Variants in TMEM132E observed in about 807,000 individuals in gnomAD.
The protein encoded by TMEM132E is transmembrane protein 132E.
Under a neutral mutation model 78.5 loss-of-function variants are expected in TMEM132E, and 49 were observed. The ratio of observed to expected loss-of-function variants is 0.62; its 90% CI spans 0.50 to 0.79. The LOEUF (loss-of-function observed/expected upper bound fraction) is 0.79. TMEM132E is among the 30% of genes least tolerant of loss of function. The probability of loss-of-function intolerance (pLI) is 0.00; values close to 1 mark genes in which losing one functional copy is unlikely to be tolerated. For missense variants in TMEM132E, 1,403 were observed against 1,470.9 expected, an observed-to-expected ratio of 0.95 and a Z score of 0.75; for synonymous variants, 715 against 670.6, an observed-to-expected ratio of 1.07 and a Z score of -1.02.
intron 2 of TMEM132E, among the ~76,000 whole-genome samples, chr17:34,627,467 C>CGTGTGCGCGTGTGTGTGTGTGTGTGT (rs146318983): frequency 7.9e-6 from 1 of 126,470 alleles, no homozygotes; most frequent in African/African-American, 3.0e-5. Context: ...CCAAAAGAAT[C>CGTGTGCGCGTGTGTGTGTGTGTGTGT]GTGTGTGTGT....
rs1907260981 is a variant in TMEM132E, at chr17:34,629,155, A to T, written c.1289A>T (p.Glu430Val). The T allele has an allele frequency of 1.9e-6, 3 of 1,614,060 alleles. No individual in the cohort carries two copies. The highest frequency in any genetic ancestry group is 8.5e-7 in the Non-Finnish European group (1 of 1,179,986). The change falls in exon 4 of 9, where the codon GAG becomes GTG. Residue 430 changes from glutamate (E) to valine (V), a missense_variant. Glu to Val is a moderately radical substitution (Grantham distance 121). Around this residue, in one of 3 missense-constraint regions of TMEM132E, gnomAD observed 888 missense variants for 952.8 expected, o/e 0.93. Transcript: ENST00000631683. ...ALPDLERAVTELTVIQRDVQA... is the reference protein window; with the variant it reads ...ALPDLERAVTVLTVIQRDVQA... The stretch of plus-strand genomic sequence containing the variant: ...CCTGACCTGGAGCGGGCAGTCACTG[A>T]GCTGACGGTCATTCAGCGGGATGTG...
chr17:34,594,675 G>A (rs957678154), intron 1 of TMEM132E, among the ~76,000 whole-genome samples: 23 of 152,034 alleles, frequency 1.5e-4, no homozygotes, highest in Admixed American at 9.8e-4. Flanking sequence ...CTGCAGCCTC[G>A]AACTCTTGGG....
At chr17:34,595,693 A>C (rs371979014) in intron 1 of TMEM132E, among the ~76,000 whole-genome samples, 139 of 152,314 alleles carry the variant, frequency 9.1e-4, no homozygotes, top group African/African-American at 3.1e-3. Flanking sequence ...AGCCAGGGTT[A>C]AGACCCGTGT....
chr17:34,581,365 T>G (rs1905476053), intron 1 of TMEM132E, among the ~76,000 whole-genome samples: 7 of 136,764 alleles, frequency 5.1e-5, no homozygotes, highest in Admixed American at 2.1e-4. Flanking sequence ...GGGGGGAGGG[T>G]GTCGCTCCAG....
intron 8 of TMEM132E, among the ~76,000 whole-genome samples, chr17:34,636,691 T>G (rs1207353970): frequency 6.6e-6 from 1 of 152,132 alleles, no homozygotes; most frequent in Non-Finnish European, 1.5e-5. Context: ...GGCAATCACT[T>G]CTCTCTGAAC....
intron 1 of TMEM132E, among the ~76,000 whole-genome samples, chr17:34,624,405 G>A (rs1336602719): frequency 2.0e-5 from 3 of 152,162 alleles, no homozygotes; most frequent in Admixed American, 2.0e-4. Flanking sequence ...AGGCCAGGTA[G>A]GTAACTAACT....
chr17:34,601,991 G>A (rs1346525860), intron 1 of TMEM132E, among the ~76,000 whole-genome samples: 1 of 152,216 alleles, frequency 6.6e-6, no homozygotes, highest in African/African-American at 2.4e-5. Context: ...ACAGTCTAGT[G>A]CTCCTCTCCA....
At chr17:34,628,811 G>A in intron 3 of TMEM132E, 102 bp downstream of exon 3, 1 of 1,435,916 alleles carries the variant, frequency 7.0e-7, no homozygotes. Context: ...GAGGGCTGGG[G>A]CTCGGTCATT....
At chr17:34,633,026 G>A in intron 6 of TMEM132E, 117 bp downstream of exon 6, 1 of 1,156,204 alleles carries the variant, frequency 8.6e-7, no homozygotes, top group Non-Finnish European at 1.2e-6. Context: ...CTGTAGGTTG[G>A]TTGTGCAGTC....
chr17:34,618,768 C>T (rs1192294044), intron 1 of TMEM132E, among the ~76,000 whole-genome samples: 5 of 152,166 alleles, frequency 3.3e-5, no homozygotes, highest in African/African-American at 7.2e-5. Flanking sequence ...TCTCAAGACC[C>T]AGGTTTTTCC....
chr17:34,602,787 T>C (rs973634884), intron 1 of TMEM132E, among the ~76,000 whole-genome samples: 1 of 152,132 alleles, frequency 6.6e-6, no homozygotes, highest in Non-Finnish European at 1.5e-5. Context: ...AAGGAGAGAA[T>C]TAGCTGAGTT....
chr17:34,606,348 A>G (rs1906413292), intron 1 of TMEM132E, among the ~76,000 whole-genome samples: 1 of 152,238 alleles, frequency 6.6e-6, no homozygotes, highest in African/African-American at 2.4e-5. Context: ...ACTCCATCTC[A>G]AAAAATAAAT....
At chr17:34,590,764 G>A (rs1203314702) in intron 1 of TMEM132E, among the ~76,000 whole-genome samples, 1 of 152,190 alleles carries the variant, frequency 6.6e-6, no homozygotes, top group East Asian at 1.9e-4. Context: ...TTGGCCCAAT[G>A]TTCCATGAAG....
chr17:34,590,147 A>G (rs1288765507), intron 1 of TMEM132E, among the ~76,000 whole-genome samples: 2 of 152,164 alleles, frequency 1.3e-5, no homozygotes, highest in African/African-American at 4.8e-5. Context: ...GCCACCACTG[A>G]CCACACACCT....
intron 1 of TMEM132E, among the ~76,000 whole-genome samples, chr17:34,609,576 C>T (rs527325726): frequency 6.6e-6 from 1 of 152,312 alleles, no homozygotes; most frequent in South Asian, 2.1e-4. Context: ...TGCCTTTGCC[C>T]TGCTGTCCAA....
chr17:34,609,313 C>T (rs958791605), intron 1 of TMEM132E, among the ~76,000 whole-genome samples: 3 of 151,922 alleles, frequency 2.0e-5, no homozygotes, highest in African/African-American at 4.8e-5. Flanking sequence ...ATGAGATGGA[C>T]GGAAGTGAAG....
At chr17:34,592,203 C>T (rs758262577) in intron 1 of TMEM132E, among the ~76,000 whole-genome samples, 22 of 152,170 alleles carry the variant, frequency 1.4e-4, no homozygotes, top group Admixed American at 4.6e-4. Context: ...GGCCCCCACC[C>T]TTCCTCCCTC....
intron 5 of TMEM132E, 126 bp from the exon 6 acceptor site, chr17:34,632,578 T>A (rs1907381376): frequency 2.2e-6 from 2 of 891,800 alleles, no homozygotes; most frequent in Non-Finnish European, 3.6e-6. Flanking sequence ...TTCCTTCCAC[T>A]GGCCTCCTCC....
chr17:34,610,929 G>T (rs866453384), intron 1 of TMEM132E, among the ~76,000 whole-genome samples: 2 of 152,356 alleles, frequency 1.3e-5, no homozygotes, highest in East Asian at 3.9e-4. Context: ...ACTGGTGGAT[G>T]TGTGATTTAG....
Sources: allele counts gnomAD v4.1 joint callset (sites outside exome capture counted in the v4.1 genomes callset), GRCh38; gene constraint gnomAD v4.1.1; regional missense constraint gnomAD v4.1.1; transcripts MANE v1.5; gene names NCBI Gene and HGNC (gene_info 2026-07-23, HGNC 2026-07-21).